The following STK3 variants were observed in gnomAD, a reference collection of about 807,000 sequenced individuals.
STK3 encodes serine/threonine-protein kinase 3.
Under a neutral mutation model 58.0 loss-of-function variants are expected in STK3, and 41 were observed. That is an observed-to-expected ratio of 0.71 (90% CI 0.55 to 0.92). The LOEUF is 0.92. Ranked by LOEUF, STK3 falls within the 40% of genes least tolerant of loss-of-function variation. STK3 has a pLI of 0.00. For synonymous variants in STK3, 170 were observed against 191.0 expected (o/e 0.89, Z 0.91); for missense variants, 479 against 602.7 (o/e 0.79, Z 2.15).
At chr8:98,716,861 A>G (rs1827057619) in intron 4 of STK3, among the ~76,000 whole-genome samples, 1 of 152,200 alleles carries the variant, frequency 6.6e-6, no homozygotes. Flanking sequence ...ACCCAGAAAT[A>G]ACCCTTGTAT....
chr8:98,451,104 A>G (rs753498897), downstream of STK3, among the ~76,000 whole-genome samples: 105 of 152,184 alleles, frequency 6.9e-4, no homozygotes, highest in Admixed American at 3.1e-3. Context: ...ATGGGTTAGT[A>G]GATGCTCACA....
intron 3 of STK3, among the ~76,000 whole-genome samples, chr8:98,836,066 T>C (rs916343547): frequency 6.6e-6 from 1 of 151,876 alleles, no homozygotes; most frequent in Non-Finnish European, 1.5e-5. Flanking sequence ...CCGGGCGCAG[T>C]GGTGGGCGCC....
chr8:98,443,009 A>C (rs1340515450), intron 1 of STK3, among the ~76,000 whole-genome samples: 1 of 151,744 alleles, frequency 6.6e-6, no homozygotes, highest in Non-Finnish European at 1.5e-5. Flanking sequence ...AAAAAACAAC[A>C]AAAAACCCAG....
intron 1 of STK3, among the ~76,000 whole-genome samples, chr8:98,916,220 G>A (rs1022614924): frequency 1.3e-5 from 2 of 152,152 alleles, no homozygotes; most frequent in African/African-American, 4.8e-5. Flanking sequence ...TTCGAGACCA[G>A]CCTAGCCAAC....
chr8:98,640,980 T>C (rs141513036), intron 6 of STK3, among the ~76,000 whole-genome samples: 3 of 151,008 alleles, frequency 2.0e-5, no homozygotes, highest in African/African-American at 7.3e-5. Context: ...TTTATAACTA[T>C]AGTAATATGT....
chr8:98,597,762 T>C, intron 6 of STK3: 1 of 985,184 alleles, frequency 1.0e-6, no homozygotes. Flanking sequence ...AACCCGGCTA[T>C]TACAGTTTTT....
At chr8:98,614,932 G>A (rs1817552113) in intron 6 of STK3, among the ~76,000 whole-genome samples, 1 of 152,228 alleles carries the variant, frequency 6.6e-6, no homozygotes, top group South Asian at 2.1e-4. Context: ...AAAGCAGCCA[G>A]GAAGCTCCAA....
chr8:98,676,306 C>T (rs139848302), intron 6 of STK3, among the ~76,000 whole-genome samples: 1,735 of 152,226 alleles, frequency 0.011, 19 homozygotes, highest in Admixed American at 0.05. Flanking sequence ...CAGAGTAATA[C>T]GAAAGTATTT....
At chr8:98,891,506 T>C (rs1312485088) in intron 1 of STK3, among the ~76,000 whole-genome samples, 2 of 152,180 alleles carry the variant, frequency 1.3e-5, no homozygotes, top group Non-Finnish European at 2.9e-5. Flanking sequence ...ATATCCATGG[T>C]ATAGCACTCT....
In STK3 at chr8:98,884,464, A is replaced by T. The variant is rs577633923; in HGVS notation, c.-78-630T>A. 3.5e-4 allele frequency among the ~76,000 whole-genome samples: 54 copies of T among 152,320 alleles called. 1 individual carries two copies. Among genetic ancestry groups the T allele is most frequent in the African/African-American group, 1.3e-3 (52 of 41,578 alleles). ...AAATGTAACTTGGTACATAAGCATA[A>T]TTTATCAAGACTAAGGAATTAACAA... On this transcript the variant is annotated intron_variant, in intron 1 of 1. Coordinates refer to the STK3 transcript ENST00000519420.
At position 98,684,711 on chromosome 8, in the gene STK3, C is replaced by G. The variant is rs144558429; in HGVS notation, c.684+21756G>C. ...ACAAGTCTCAAACATCAGGTCACAC[C>G]ATTATTACGTAGCAACAATAGAAGC... is the stretch of plus-strand genomic sequence containing the variant. On this transcript the variant is annotated intron_variant, in intron 6 of 10. Coordinates refer to ENST00000419617, the MANE Select transcript of STK3 (RefSeq NM_006281.4). Among the ~76,000 whole-genome samples the G allele has an allele frequency of 7.5e-3, 1,142 of 152,220 alleles. 8 individuals are homozygous for G. Among genetic ancestry groups the G allele is most frequent in the Non-Finnish European group, 0.012 (811 of 67,994 alleles).
chr8:98,840,869 A>C (rs1330178905), intron 3 of STK3, among the ~76,000 whole-genome samples: 1 of 152,044 alleles, frequency 6.6e-6, no homozygotes, highest in East Asian at 1.9e-4. Context: ...GGCTTTAGTC[A>C]AGGTGATGGC....
chr8:98,807,561 A>C (rs1173566008), intron 1 of STK3, among the ~76,000 whole-genome samples: 1 of 152,174 alleles, frequency 6.6e-6, no homozygotes, highest in Non-Finnish European at 1.5e-5. Context: ...CCCGACCAGT[A>C]ATCAAATGTT....
At chr8:98,873,905 T>C (rs1242929151) in intron 3 of STK3, among the ~76,000 whole-genome samples, 1 of 152,238 alleles carries the variant, frequency 6.6e-6, no homozygotes, top group Admixed American at 6.5e-5. Context: ...CTGGTTATTT[T>C]GCCCATTAGT....
rs547227297 is a variant in STK3, at chr8:98,780,271, G to T, written c.27-5452C>A. On this transcript the variant is annotated intron_variant, in intron 1 of 10. Transcript: ENST00000419617. The stretch of plus-strand genomic sequence containing the variant: ...ATTCTCCAACAAGTAATATATGAGA[G>T]CCCTTCTTTCCCACAGTTCCATCAA... Among the ~76,000 whole-genome samples the T allele has an allele frequency of 1.1e-3, 173 of 152,036 alleles. 1 individual carries two copies. Among genetic ancestry groups the T allele is most frequent in the South Asian group, 3.3e-3 (16 of 4,820 alleles).
chr8:98,684,825 T>C (rs997638759), intron 6 of STK3, among the ~76,000 whole-genome samples: 2 of 152,158 alleles, frequency 1.3e-5, no homozygotes, highest in Admixed American at 6.6e-5. Flanking sequence ...TACTGGGTCA[T>C]AAAATCAATG....
intron 9 of STK3, among the ~76,000 whole-genome samples, chr8:98,543,117 C>T (rs1810425895): frequency 6.6e-6 from 1 of 152,126 alleles, no homozygotes; most frequent in South Asian, 2.1e-4. Context: ...GAAGCAACCT[C>T]TTAACTGAGC....
At chr8:98,471,040 G>A (rs181447792) in intron 10 of STK3, among the ~76,000 whole-genome samples, 6 of 152,184 alleles carry the variant, frequency 3.9e-5, no homozygotes, top group Admixed American at 1.3e-4. Flanking sequence ...GGGTAAGGGT[G>A]AATGAAGTTA....
chr8:98,904,847 G>A, intron 1 of STK3: 2 of 669,960 alleles, frequency 3.0e-6, no homozygotes, highest in Non-Finnish European at 2.9e-6. Flanking sequence ...ATAGGTATCT[G>A]TCTTAGGGAT....
Sources: allele counts gnomAD v4.1 joint callset (sites outside exome capture counted in the v4.1 genomes callset), GRCh38; gene constraint gnomAD v4.1.1; transcripts MANE v1.5; gene names NCBI Gene and HGNC (gene_info 2026-07-23, HGNC 2026-07-21).